Variants in CACNA1A observed in about 807,000 individuals in gnomAD.
CACNA1A encodes the protein calcium voltage-gated channel subunit alpha1 A.
Under a neutral mutation model 262.4 loss-of-function variants are expected in CACNA1A, and 57 were observed. That is an observed-to-expected ratio of 0.22 (90% CI 0.18 to 0.27). The LOEUF (loss-of-function observed/expected upper bound fraction) is 0.27. Among genes scored for constraint, CACNA1A ranks in the 10% least tolerant of loss-of-function variants. CACNA1A has a pLI of 1.00. For missense variants in CACNA1A, 2,526 were observed against 3,562.8 expected, an observed-to-expected ratio of 0.71 and a Z score of 7.41; for synonymous variants, 1,431 against 1,419.3, an observed-to-expected ratio of 1.01 and a Z score of -0.18.
intron 6 of CACNA1A, among the ~76,000 whole-genome samples, chr19:13,348,629 A>G (rs2058839668): frequency 1.3e-5 from 2 of 152,208 alleles, no homozygotes; most frequent in Non-Finnish European, 2.9e-5. Flanking sequence ...TGAGCTCAGG[A>G]GATCGAGACC....
rs1002778568 is a variant in CACNA1A, at chr19:13,298,649, C to A, written c.2984G>T (p.Gly995Val). ...TCTCCTGCGCTCGCCCCCGTCGGGG[C>A]CCTCGCCCTCGCCCTCGCCGCCCCG... ...PARGGEGEGE[G>V]PDGGERRRRH... is the part of the protein sequence containing the mutation. The change falls in exon 19 of 47, where the codon GGC becomes GTC. Residue 995 changes from glycine to valine, a missense_variant. Physicochemically the swap from Gly to Val is moderately radical, Grantham distance 109. This residue lies in a region of CACNA1A where 765 missense variants were observed against 748.6 expected (regional missense o/e 1.02). Coordinates refer to ENST00000360228, the MANE Select transcript of CACNA1A (RefSeq NM_001127222.2). The A allele has an allele frequency of 1.3e-6, 2 of 1,500,936 alleles. No homozygotes were observed. The highest frequency in any genetic ancestry group is 1.8e-6 in the Non-Finnish European group (2 of 1,125,146). 93.0% of individuals were successfully genotyped at this position (1,500,936 alleles called of 1,614,324 possible).
rs1164271844 is a variant in CACNA1A at position 13,231,335 on chromosome 19, A to C, written c.5400+375T>G. On this transcript the variant is annotated intron_variant, in intron 35 of 46. Coordinates refer to ENST00000360228, the MANE Select transcript of CACNA1A (RefSeq NM_001127222.2). ...CAGCTGAAATATTTCATTGAGTCTC[A>C]AATGGGGGAATTCTGGCCCCCACTC... Among the ~76,000 whole-genome samples the C allele has an allele frequency of 3.9e-5, 6 of 152,132 alleles. No individual in the cohort carries two copies. In the East Asian group the frequency reaches 1.2e-3, roughly 29 times the overall value.
At chr19:13,483,967 A>G (rs2145094735) in intron 1 of CACNA1A, among the ~76,000 whole-genome samples, 1 of 152,334 alleles carries the variant, frequency 6.6e-6, no homozygotes, top group African/African-American at 2.4e-5. Context: ...AGGCAAGGAA[A>G]TGGGGACCTT....
rs537611127 is a variant in CACNA1A, at chr19:13,413,664, A to C, written c.539+39212T>G. On this transcript the variant is annotated intron_variant, in intron 3 of 46. Coordinates refer to ENST00000360228, the MANE Select transcript of CACNA1A (RefSeq NM_001127222.2). The stretch of plus-strand genomic sequence containing the variant: ...GAGGCTGAGGTGGGAGGATCACCTG[A>C]GGTCAGGAGTTCAAGACCAGCCCGG... 9.1e-5 allele frequency among the ~76,000 whole-genome samples: 13 copies of C among 143,118 alleles called. No individual in the cohort carries two copies. The East Asian group carries it at 2.8e-3, about 31-fold the overall frequency. The allele number at this position is 143,118 out of a possible 152,430, so 93.9% of individuals were successfully genotyped here. A position where few individuals can be genotyped will look rare whatever the true frequency, so the allele number is the denominator to read the frequency against.
rs1464022947 is a variant in CACNA1A, at chr19:13,231,743, G to A, written c.5367C>T (p.Tyr1789=). ...RECGNEFAYF[Y]FVSFIFLCSF... ...AGCAGAGGAAGATGAAGGAAACAAAGTAAAAATAAGCAAATTCATTGCCAC... is the reference window on the plus strand; with the variant it reads ...AGCAGAGGAAGATGAAGGAAACAAAATAAAAATAAGCAAATTCATTGCCAC... The change falls in exon 35 of 47, where the codon TAC becomes TAT. Residue 1789 remains tyrosine (Y), a synonymous_variant. Coordinates refer to ENST00000360228, the MANE Select transcript of CACNA1A (RefSeq NM_001127222.2). 6.2e-7 allele frequency: 1 copy of A among 1,613,500 alleles called. No individual in the cohort carries two copies. Among genetic ancestry groups the A allele is most frequent in the Non-Finnish European group, 8.5e-7 (1 of 1,179,680 alleles).
chr19:13,323,266 A>C (rs953009090), intron 10 of CACNA1A, among the ~76,000 whole-genome samples: 1 of 145,030 alleles, frequency 6.9e-6, no homozygotes, highest in African/African-American at 2.5e-5. Context: ...CTCAAAAACA[A>C]AACAAAAAAC....
At chr19:13,399,626 T>G (rs2059865851) in intron 3 of CACNA1A, among the ~76,000 whole-genome samples, 1 of 152,118 alleles carries the variant, frequency 6.6e-6, no homozygotes, top group South Asian at 2.1e-4. Flanking sequence ...CAGAGATGGA[T>G]CCAAGCCCCA....
At chr19:13,498,727 T>C (rs1236936404) in intron 1 of CACNA1A, among the ~76,000 whole-genome samples, 1 of 152,204 alleles carries the variant, frequency 6.6e-6, no homozygotes, top group Non-Finnish European at 1.5e-5. Flanking sequence ...TAAAAAGTCT[T>C]GGCTTTTCAG....
intron 6 of CACNA1A, among the ~76,000 whole-genome samples, chr19:13,340,163 A>AC (rs34059280): frequency 0.82 from 124,009 of 151,846 alleles, 51,038 homozygotes; most frequent in East Asian, 1. Flanking sequence ...ACAGGACTGA[A>AC]AGGGAAAAAC....
intron 1 of CACNA1A, among the ~76,000 whole-genome samples, chr19:13,469,248 G>C (rs1035312033): frequency 1.2e-4 from 18 of 152,176 alleles, no homozygotes; most frequent in Admixed American, 3.3e-4. Context: ...CTAAGACTCC[G>C]ACGGAACCTG....
intron 1 of CACNA1A, among the ~76,000 whole-genome samples, chr19:13,467,530 A>G (rs923237948): frequency 2.0e-5 from 3 of 152,068 alleles, no homozygotes; most frequent in African/African-American, 4.8e-5. Context: ...TGCACTTGTG[A>G]TAATTTTCCT....
intron 3 of CACNA1A, among the ~76,000 whole-genome samples, chr19:13,434,197 C>T (rs1036817785): frequency 6.6e-6 from 1 of 152,160 alleles, no homozygotes. Context: ...CGCCCTGTCA[C>T]CCAGGGTGCA....
intron 3 of CACNA1A, among the ~76,000 whole-genome samples, chr19:13,386,538 C>T (rs1471038335): frequency 6.6e-6 from 1 of 152,142 alleles, no homozygotes; most frequent in Non-Finnish European, 1.5e-5. Flanking sequence ...CCTGTAATCC[C>T]AGCCCTTTGG....
intron 28 of CACNA1A, among the ~76,000 whole-genome samples, chr19:13,255,787 T>TC (rs2056547207): frequency 1.2e-5 from 1 of 86,828 alleles, no homozygotes; most frequent in Non-Finnish European, 2.3e-5. Context: ...TTTCCTTCCT[T>TC]CCTCCCTCCC....
intron 4 of CACNA1A, among the ~76,000 whole-genome samples, chr19:13,366,810 G>C (rs1219146693): frequency 2.6e-5 from 4 of 152,026 alleles, no homozygotes; most frequent in African/African-American, 7.2e-5. Flanking sequence ...TAGGCTAGTT[G>C]CTGCTCTGGG....
At chr19:13,502,031 T>C (rs1279812056) in intron 1 of CACNA1A, among the ~76,000 whole-genome samples, 2 of 152,078 alleles carry the variant, frequency 1.3e-5, no homozygotes, top group African/African-American at 2.4e-5. Flanking sequence ...AGTGACACCA[T>C]CCTGCCCTCT....
chr19:13,460,473 T>A (rs2061100229), intron 1 of CACNA1A, among the ~76,000 whole-genome samples: 1 of 151,974 alleles, frequency 6.6e-6, no homozygotes, highest in Non-Finnish European at 1.5e-5. Flanking sequence ...AAGATTTTGA[T>A]GAAATAAAAG....
At position 13,212,774 on chromosome 19, in the gene CACNA1A, A is replaced by T; in HGVS notation, c.5941-34T>A. 2.0e-5 allele frequency: 23 copies of T among 1,161,906 alleles called. No homozygotes were observed. Among genetic ancestry groups the T allele is most frequent in the Non-Finnish European group, 2.6e-5 (22 of 834,036 alleles). The allele number at this position is 1,161,906 out of a possible 1,614,324, so 72.0% of individuals were successfully genotyped here. A position where few individuals can be genotyped will look rare whatever the true frequency, so the allele number is the denominator to read the frequency against. ...TGGGGCAGAGAGCAGTGTGTGGACAAGGGTGGGGTGGTGGGACGGTGGTAC... is the reference window on the plus strand; with the variant it reads ...TGGGGCAGAGAGCAGTGTGTGGACATGGGTGGGGTGGTGGGACGGTGGTAC... On this transcript the variant is annotated intron_variant, in intron 40 of 46. Coordinates refer to ENST00000360228, the MANE Select transcript of CACNA1A (RefSeq NM_001127222.2). This position sits in a 1 kb window ranked among gnomAD's most constrained non-coding sequence, Gnocchi z 5.6.
At chr19:13,372,605 C>T (rs752208715) in intron 3 of CACNA1A, among the ~76,000 whole-genome samples, 1 of 152,202 alleles carries the variant, frequency 6.6e-6, no homozygotes, top group Non-Finnish European at 1.5e-5. Flanking sequence ...CTCTGTGCCT[C>T]AGTTTCCCCC....
Sources: gnomAD v4.1 joint callset for allele counts (sites outside exome capture counted in the v4.1 genomes callset) on GRCh38, gnomAD v4.1.1 for gene constraint, gnomAD v4.1.1 regional missense constraint, Gnocchi (gnomAD v3.1) non-coding constraint, MANE v1.5 for transcripts, NCBI Gene and HGNC (gene_info 2026-07-23, HGNC 2026-07-21) for gene names.